SLC26A6: variants seen among roughly 807,000 people sequenced by gnomAD.
SLC26A6 encodes anion exchange transporter.
Under a neutral mutation model 87.1 loss-of-function variants are expected in SLC26A6, and 67 were observed. The observed-to-expected ratio is 0.77, with a 90% CI of 0.63 to 0.94. The LOEUF (loss-of-function observed/expected upper bound fraction) is 0.94. Among genes scored for constraint, SLC26A6 ranks in the 40% least tolerant of loss-of-function variants. The pLI is 0.00. For synonymous variants in SLC26A6, 414 were observed against 405.9 expected, an observed-to-expected ratio of 1.02 and a Z score of -0.24; for missense variants, 902 against 973.0, an observed-to-expected ratio of 0.93 and a Z score of 0.97.
In SLC26A6 at chr3:48,628,136, G is replaced by C. The variant is rs1394802323; in HGVS notation, c.1801-98C>G. ...TGATGCCCCCTGGTGCTGGGCAGGTGGGTGGGCCAGGACCAGAAGCTGTGG... is the reference window on the plus strand; with the variant it reads ...TGATGCCCCCTGGTGCTGGGCAGGTCGGTGGGCCAGGACCAGAAGCTGTGG... On this transcript the variant is annotated intron_variant, in intron 16 of 20. Coordinates refer to ENST00000395550, the MANE Select transcript of SLC26A6 (RefSeq NM_022911.3). The surrounding 1 kb of genome is among the most constrained non-coding windows in gnomAD (Gnocchi z 4.4). 5.1e-6 allele frequency: 6 copies of C among 1,172,262 alleles called. No homozygotes were observed. Among genetic ancestry groups the C allele is most frequent in the African/African-American group, 1.5e-5 (1 of 64,784 alleles). The allele number at this position is 1,172,262 out of a possible 1,614,324, so 72.6% of individuals were successfully genotyped here.
chr3:48,629,586 C>T (rs368178759), intron 14 of SLC26A6, 56 bp downstream of exon 14: 76 of 1,532,390 alleles, frequency 5.0e-5, no homozygotes, highest in Non-Finnish European at 6.2e-5. Context: ...TCCACAAAGG[C>T]TCATTCTTCC....
At chr3:48,627,139 A>G in intron 17 of SLC26A6, 84 bp from the exon 18 acceptor site, 3 of 1,505,236 alleles carry the variant, frequency 2.0e-6, no homozygotes, top group Non-Finnish European at 2.7e-6. Context: ...AGAACACGCA[A>G]GGTCAGATGG....
At chr3:48,634,888 C>T in intron 1 of SLC26A6, 1 of 424,476 alleles carries the variant, frequency 2.4e-6, no homozygotes, top group Non-Finnish European at 3.2e-6. Context: ...GGGCTCCCTC[C>T]CCCGACAACT....
chr3:48,626,556 C>T lies in SLC26A6; in HGVS notation c.2128+75G>A. 3 of 1,597,724 alleles carry T rather than the reference C, an allele frequency of 1.9e-6. No homozygotes were observed. In the South Asian group the frequency reaches 3.3e-5, roughly 18 times the overall value. ...TCCAGAGAAAGACTTTTTCCTTGTGCTACTTGGAAAACCCCTTGGCCAAAA... is the reference window on the plus strand; with the variant it reads ...TCCAGAGAAAGACTTTTTCCTTGTGTTACTTGGAAAACCCCTTGGCCAAAA... On this transcript the variant is annotated intron_variant, in intron 19 of 20. Coordinates refer to ENST00000395550, the MANE Select transcript of SLC26A6 (RefSeq NM_022911.3).
chr3:48,631,789 C>T lies in SLC26A6; in HGVS notation c.763G>A (p.Val255Ile), dbSNP rs1334403702. The T allele has an allele frequency of 1.9e-6, 3 of 1,613,420 alleles. No individual in the cohort carries two copies. The highest frequency in any genetic ancestry group is 2.5e-6 in the Non-Finnish European group (3 of 1,180,016). The change falls in exon 7 of 21, where the codon GTC becomes ATC. Residue 255 changes from valine (V) to isoleucine (I), a missense_variant. Physicochemically the swap from Val to Ile is conservative, Grantham distance 29. Around this residue, in one of 3 missense-constraint regions of SLC26A6, gnomAD observed 800 missense variants for 856.8 expected, o/e 0.93. Transcript: ENST00000395550. ...TTGCTCTGGGGCAGCTTCCAGCAGA[C>T]CTCCAGCACTGTCTGAGGAGAGGCC... ...PLSLIYTVLE[V>I]CWKLPQSKVG...
chr3:48,627,750 G>C (rs117903310), intron 17 of SLC26A6, 196 bp downstream of exon 17: 1 of 497,904 alleles, frequency 2.0e-6, no homozygotes, highest in East Asian at 3.7e-5. Context: ...CTAGGCCTGA[G>C]AATCTAAGCC....
At chr3:48,627,370 C>T (rs2046654488) in intron 17 of SLC26A6, 2 of 351,956 alleles carry the variant, frequency 5.7e-6, no homozygotes, top group Non-Finnish European at 1.0e-5. Context: ...CAGGAGCAGG[C>T]CAGAATAGAC....
At chr3:48,631,343 GCA>G in intron 7 of SLC26A6, 37 bp from the exon 8 acceptor site, 1 of 1,525,364 alleles carries the variant, frequency 6.6e-7, no homozygotes, top group Middle Eastern at 1.8e-4. Flanking sequence ...GCAGGTGCTG[GCA>G]CCATGGTCAG....
intron 20 of SLC26A6, 74 bp downstream of exon 20, chr3:48,626,144 C>G (rs1447295624): frequency 6.2e-7 from 1 of 1,611,594 alleles, no homozygotes; most frequent in Non-Finnish European, 8.5e-7. Context: ...GAAAGACTCC[C>G]TGGAGCTGGG....
In SLC26A6 at chr3:48,633,551, C is replaced by T. The variant is rs1230972078; in HGVS notation, c.108G>A (p.Leu36=). ...CCAGCTCCTCCAAATGCTCCTGGTT[C>T]AGCAGCGGCCGTTCCATGTGGTAGT... is the stretch of plus-strand genomic sequence containing the variant. ...RRDYHMERPL[L]NQEHLEELGR... The change falls in exon 2 of 21, where the codon CTG becomes CTA. Residue 36 remains leucine, a synonymous_variant. Transcript: ENST00000395550. The T allele has an allele frequency of 6.2e-7, 1 of 1,613,414 alleles. No individual in the cohort carries two copies. Among genetic ancestry groups the T allele is most frequent in the East Asian group, 2.2e-5 (1 of 44,898 alleles).
chr3:48,626,688 G>A lies in SLC26A6; in HGVS notation c.2074-3C>T. ...ATCTCCCGGAAGTCATGGAAAATCT[G>A]TAGCGGAAAAGGGGGCCAGCCTCAG... On this transcript the variant is annotated splice_polypyrimidine_tract_variant and splice_region_variant and intron_variant, in intron 18 of 20. Coordinates refer to ENST00000395550, the MANE Select transcript of SLC26A6 (RefSeq NM_022911.3). The A allele has an allele frequency of 6.2e-7, 1 of 1,614,082 alleles. No individual in the cohort carries two copies.
chr3:48,628,090 A>AG lies in SLC26A6; in HGVS notation c.1801-53dup. ...AAACAGCTAGCCCGGCTGCCATGAC[A>AG]GCCATGTCACATAGGCCTGGTGATG... On this transcript the variant is annotated intron_variant, in intron 16 of 20. Coordinates refer to ENST00000395550, the MANE Select transcript of SLC26A6 (RefSeq NM_022911.3). This position sits in a 1 kb window ranked among gnomAD's most constrained non-coding sequence, Gnocchi z 4.4. 6.7e-7 allele frequency: 1 copy of AG among 1,496,504 alleles called. No homozygotes were observed. Among genetic ancestry groups the AG allele is most frequent in the Non-Finnish European group, 9.0e-7 (1 of 1,113,492 alleles). 92.7% of individuals were successfully genotyped at this position (1,496,504 alleles called of 1,614,324 possible).
intron 7 of SLC26A6, 124 bp from the exon 8 acceptor site, chr3:48,631,430 C>T (rs904536237): frequency 1.5e-5 from 18 of 1,201,668 alleles, no homozygotes; most frequent in South Asian, 9.5e-5. Context: ...GAAAAAGTCA[C>T]GTAGGGTGAG....
intron 1 of SLC26A6, chr3:48,633,856 A>C (rs1352738155): frequency 1.4e-6 from 2 of 1,420,938 alleles, no homozygotes; most frequent in East Asian, 2.6e-5. Context: ...TCTAGGACAA[A>C]GTCCCCCAAG....
chr3:48,634,829 C>A, intron 1 of SLC26A6: 1 of 843,086 alleles, frequency 1.2e-6, no homozygotes, highest in Non-Finnish European at 1.4e-6. Context: ...TCAAGGAGAT[C>A]GTAGAGCCCC....
rs753459216 is a variant in SLC26A6, at chr3:48,631,911, C to T, written c.719G>A (p.Ser240Asn). The change falls in exon 6 of 21, where the codon AGC becomes AAC. Residue 240 changes from serine (S) to asparagine (N), a missense_variant. This residue lies in a region of SLC26A6 where 800 missense variants were observed against 856.8 expected (regional missense o/e 0.93). Transcript: ENST00000395550. ...QLKYVFGLHLSSHSGPLSLIY... is the reference protein window; with the variant it reads ...QLKYVFGLHLNSHSGPLSLIY... The stretch of plus-strand genomic sequence containing the variant: ...GAGGGACAGTGGCCCAGAGTGGCTG[C>T]TCAGATGGAGGCCAAACACATACTT... 2 of 1,613,242 alleles carry T rather than the reference C, an allele frequency of 1.2e-6. No individual in the cohort carries two copies. The highest frequency in any genetic ancestry group is 3.3e-5 in the Admixed American group (2 of 60,014).
chr3:48,635,256 T>C (rs1356164351), intron 1 of SLC26A6, 115 bp downstream of exon 1: 7 of 1,384,260 alleles, frequency 5.1e-6, no homozygotes, highest in Non-Finnish European at 6.9e-6. Context: ...TCAGCAGAGG[T>C]AAACCGAGGC....
At chr3:48,635,153 A>C (rs1439705138) in intron 1 of SLC26A6, among the ~76,000 whole-genome samples, 1 of 152,234 alleles carries the variant, frequency 6.6e-6, no homozygotes, top group Non-Finnish European at 1.5e-5. Flanking sequence ...CTCGGGCGTC[A>C]CACCAGCGGC....
In SLC26A6 at chr3:48,633,418, T is replaced by C. The variant is rs761520718; in HGVS notation, c.183-28A>G. 2.5e-6 allele frequency: 4 copies of C among 1,612,608 alleles called. No homozygotes were observed. In the Admixed American group the frequency reaches 5.0e-5, roughly 20 times the overall value. On this transcript the variant is annotated intron_variant, in intron 2 of 20. Transcript: ENST00000395550. ...AGGGACATGATATGAGGGGTAGGTG[T>C]CAGGAACAGGGGCTACCTGGGCCCC...
Sources: allele counts gnomAD v4.1 joint callset (sites outside exome capture counted in the v4.1 genomes callset), GRCh38; gene constraint gnomAD v4.1.1; regional missense constraint gnomAD v4.1.1; non-coding constraint Gnocchi (gnomAD v3.1); transcripts MANE v1.5; gene names NCBI Gene and HGNC (gene_info 2026-07-23, HGNC 2026-07-21).